Variants in IL12RB2 observed in about 807,000 individuals in gnomAD.
IL12RB2 encodes the protein interleukin-12 receptor subunit beta-2.
IL12RB2 carries 82 observed loss-of-function variants against 89.4 expected under a neutral mutation model. That is an observed-to-expected ratio of 0.92 (90% CI 0.77 to 1.10). IL12RB2 has a LOEUF of 1.10. IL12RB2 is among the 50% of genes least tolerant of loss of function. The probability of loss-of-function intolerance (pLI) is 0.00; values close to 1 mark genes in which losing one functional copy is unlikely to be tolerated. For missense variants in IL12RB2, 963 were observed against 1,031.9 expected, an observed-to-expected ratio of 0.93 and a Z score of 0.92; for synonymous variants, 368 against 370.1, an observed-to-expected ratio of 0.99 and a Z score of 0.07.
chr1:67,314,127 CTG>C (rs1367355210), intron 2 of IL12RB2, 127 bp downstream of exon 2: 2 of 152,166 alleles, frequency 1.3e-5, no homozygotes, highest in Non-Finnish European at 2.9e-5. Flanking sequence ...ATTTGGTTGT[CTG>C]TGGTAGCCCA....
In IL12RB2 at chr1:67,320,344, A is replaced by G. The variant is rs1656326589; in HGVS notation, c.-25A>G. ...TCTTCTTTTGCAAGGAAGAATACGG[A>G]GTTCTATACCAGAGTTGATTGTTGA... On this transcript the variant is annotated 5_prime_UTR_variant, in exon 3 of 17. Transcript: ENST00000674203. 6.2e-7 allele frequency: 1 copy of G among 1,613,770 alleles called. No individual in the cohort carries two copies. Among genetic ancestry groups the G allele is most frequent in the African/African-American group, 1.3e-5 (1 of 74,916 alleles).
chr1:67,367,587 A>C (rs1415568130), intron 10 of IL12RB2, among the ~76,000 whole-genome samples: 1 of 152,040 alleles, frequency 6.6e-6, no homozygotes, highest in African/African-American at 2.4e-5. Context: ...AAAGGAAAAG[A>C]AGGGGAAAAT....
chr1:67,324,604 G>A (rs928890987), intron 4 of IL12RB2, among the ~76,000 whole-genome samples: 1 of 152,120 alleles, frequency 6.6e-6, no homozygotes, highest in Admixed American at 6.5e-5. Context: ...GCCTGCCTCG[G>A]CCTCCCAAAG....
chr1:67,350,935 A>G lies in IL12RB2; in HGVS notation c.1104A>G (p.Thr368=), dbSNP rs143567306. Residue 368 remains threonine, a synonymous_variant, in exon 10 of 17, where the codon ACA becomes ACG. Coordinates refer to ENST00000674203, the MANE Select transcript of IL12RB2 (RefSeq NM_001374259.2). ...ATCAGGTGACCTTGCAGGAGCTGAC[A>G]GGAGGGAAAGCCATGACACAGAACA... ...LHYQVTLQEL[T]GGKAMTQNIT... is the part of the protein sequence containing the mutation. 5.3e-5 allele frequency: 85 copies of G among 1,614,040 alleles called. No homozygotes were observed. The highest frequency in any genetic ancestry group is 6.3e-5 in the Non-Finnish European group (74 of 1,180,016).
chr1:67,366,327 T>A (rs1357410558), intron 10 of IL12RB2, among the ~76,000 whole-genome samples: 1 of 151,710 alleles, frequency 6.6e-6, no homozygotes, highest in African/African-American at 2.4e-5. Context: ...GGCAGACGCC[T>A]GTAGTCCCAG....
chr1:67,381,631 T>G (rs1295486209), intron 14 of IL12RB2, among the ~76,000 whole-genome samples: 3 of 152,010 alleles, frequency 2.0e-5, no homozygotes, highest in Non-Finnish European at 4.4e-5. Flanking sequence ...CCGGGCATGG[T>G]GGCGGGCGCC....
At chr1:67,381,257 C>A (rs928841923) in intron 14 of IL12RB2, among the ~76,000 whole-genome samples, 1 of 152,178 alleles carries the variant, frequency 6.6e-6, no homozygotes, top group Non-Finnish European at 1.5e-5. Flanking sequence ...GAATAAGTGA[C>A]CCAGCTAGCA....
At chr1:67,376,416 C>T (rs1016300535) in intron 13 of IL12RB2, among the ~76,000 whole-genome samples, 2 of 152,170 alleles carry the variant, frequency 1.3e-5, no homozygotes, top group African/African-American at 4.8e-5. Context: ...ACTTGACCTT[C>T]CTATCTACAG....
intron 8 of IL12RB2, among the ~76,000 whole-genome samples, chr1:67,336,984 G>C (rs1658854513): frequency 6.6e-6 from 1 of 152,152 alleles, no homozygotes; most frequent in African/African-American, 2.4e-5. Flanking sequence ...ACCCTCATCT[G>C]ACAGATGAGG....
intron 15 of IL12RB2, among the ~76,000 whole-genome samples, chr1:67,387,707 A>T (rs1665365768): frequency 6.6e-6 from 1 of 151,620 alleles, no homozygotes; most frequent in Admixed American, 6.6e-5. Flanking sequence ...TCTCAAAAAA[A>T]AAAAAAAAAA....
intron 10 of IL12RB2, among the ~76,000 whole-genome samples, chr1:67,358,391 C>T (rs1188936619): frequency 6.6e-6 from 1 of 151,906 alleles, no homozygotes; most frequent in Admixed American, 6.6e-5. Context: ...GCTTGGCCAA[C>T]CTGGTGAAAC....
At chr1:67,316,772 G>T (rs1655831407) in intron 2 of IL12RB2, among the ~76,000 whole-genome samples, 1 of 152,152 alleles carries the variant, frequency 6.6e-6, no homozygotes, top group Non-Finnish European at 1.5e-5. Flanking sequence ...CAGTTGGCCA[G>T]CACCAATTTT....
At chr1:67,310,605 C>A (rs1281174658) in intron 1 of IL12RB2, among the ~76,000 whole-genome samples, 1 of 152,162 alleles carries the variant, frequency 6.6e-6, no homozygotes, top group Non-Finnish European at 1.5e-5. Flanking sequence ...GTAATACTGC[C>A]TTTTTTCTTA....
rs1328881783 is a variant in IL12RB2, at chr1:67,372,314, T to C, written c.1460-122T>C. 5 of 749,314 alleles carry C rather than the reference T, an allele frequency of 6.7e-6. No individual in the cohort carries two copies. The African/African-American group carries it at 8.5e-5, about 13-fold the overall frequency. 46.4% of individuals were successfully genotyped at this position (749,314 alleles called of 1,614,324 possible). A position where few individuals can be genotyped will look rare whatever the true frequency, so the allele number is the denominator to read the frequency against. On this transcript the variant is annotated intron_variant, in intron 11 of 16. Transcript: ENST00000674203. ...ATCAGTCCAGACTGTGCTTGAACCA[T>C]CTTTAAACTAGGAAAAGGCAAGAAA... is the stretch of plus-strand genomic sequence containing the variant.
At chr1:67,394,723 G>T (rs189976472) in intron 16 of IL12RB2, among the ~76,000 whole-genome samples, 32 of 152,024 alleles carry the variant, frequency 2.1e-4, no homozygotes, top group Non-Finnish European at 4.0e-4. Flanking sequence ...CTGAAGCCTC[G>T]GGTTACCAGT....
chr1:67,338,895 T>C, intron 9 of IL12RB2, 192 bp downstream of exon 9: 2 of 611,438 alleles, frequency 3.3e-6, no homozygotes, highest in Non-Finnish European at 3.0e-6. Context: ...TTCCACACAG[T>C]CACATCGTTT....
At chr1:67,337,909 AAAAAAAAAG>A (rs1343044592) in intron 8 of IL12RB2, among the ~76,000 whole-genome samples, 3 of 124,470 alleles carry the variant, frequency 2.4e-5, no homozygotes, top group Non-Finnish European at 5.3e-5. Flanking sequence ...AGTAAAAAAA[AAAAAAAAAG>A]AAAAGAAAAG....
At chr1:67,391,245 T>TG (rs1437384466) in intron 16 of IL12RB2, among the ~76,000 whole-genome samples, 1 of 152,000 alleles carries the variant, frequency 6.6e-6, no homozygotes, top group Non-Finnish European at 1.5e-5. Context: ...ACATGGGTCA[T>TG]ATAAGACAAA....
chr1:67,316,457 T>C (rs1415044650), intron 2 of IL12RB2, among the ~76,000 whole-genome samples: 1 of 150,600 alleles, frequency 6.6e-6, no homozygotes, highest in Non-Finnish European at 1.5e-5. Flanking sequence ...TGTGTGTTAA[T>C]GTCACTCGTA....
Sources: allele counts gnomAD v4.1 joint callset (sites outside exome capture counted in the v4.1 genomes callset), GRCh38; gene constraint gnomAD v4.1.1; transcripts MANE v1.5; gene names NCBI Gene and HGNC (gene_info 2026-07-23, HGNC 2026-07-21).